AKAP13: variants seen among roughly 807,000 people sequenced by gnomAD.
AKAP13 encodes A-kinase anchoring protein 13, also known as A-kinase anchor protein 13.
In AKAP13, 80 loss-of-function variants were observed where a neutral mutation model predicts 264.5. The observed-to-expected ratio is 0.30, with a 90% CI of 0.25 to 0.36. The LOEUF (loss-of-function observed/expected upper bound fraction) is 0.36. Ranked by LOEUF, AKAP13 falls within the 10% of genes least tolerant of loss-of-function variation. The pLI is 1.00. For missense variants in AKAP13, 3,712 were observed against 3,435.2 expected, an observed-to-expected ratio of 1.08 and a Z score of -2.01; for synonymous variants, 1,380 against 1,250.2, an observed-to-expected ratio of 1.10 and a Z score of -2.19.
Position 85,579,439 on chromosome 15 carries a change from C to T in AKAP13, c.1371C>T (p.Ala457=). The part of the protein sequence containing the change: ...QRDLVMEPGT[A]QYSSGGELGG... The stretch of plus-strand genomic sequence containing the variant: ...ACTTGGTCATGGAGCCAGGCACAGC[C>T]CAGTATTCCTCTGGAGGTGAACTGG... Residue 457 remains alanine, a synonymous_variant, in exon 7 of 37, where the codon GCC becomes GCT. Coordinates refer to ENST00000394518, the MANE Select transcript of AKAP13 (RefSeq NM_007200.5). The T allele has an allele frequency of 6.2e-7, 1 of 1,614,158 alleles. No individual in the cohort carries two copies. The highest frequency in any genetic ancestry group is 8.5e-7 in the Non-Finnish European group (1 of 1,180,024).
intron 5 of AKAP13, among the ~76,000 whole-genome samples, chr15:85,562,518 T>G (rs1267711823): frequency 2.2e-5 from 3 of 138,046 alleles, no homozygotes; most frequent in African/African-American, 8.2e-5. Flanking sequence ...TGAGCTGAGA[T>G]CGTGCCACTG....
In AKAP13 at chr15:85,533,670, C is replaced by T; in HGVS notation, c.268C>T (p.His90Tyr). 2 of 1,614,188 alleles carry T rather than the reference C, an allele frequency of 1.2e-6. No individual in the cohort carries two copies. The highest frequency in any genetic ancestry group is 3.3e-5 in the Admixed American group (2 of 60,018). Residue 90 changes from histidine to tyrosine, a missense_variant, in exon 4 of 37, where the codon CAT (histidine) becomes TAT (tyrosine). His to Tyr is a moderately conservative substitution (Grantham distance 83). Around this residue, in one of 3 missense-constraint regions of AKAP13, gnomAD observed 2,759 missense variants for 2,411.7 expected, o/e 1.14. Transcript: ENST00000394518. ...PVFVVAEEDF[H>Y]FVQDEAYDAA... The stretch of plus-strand genomic sequence containing the variant: ...GTTTGTGGTGGCTGAAGAAGACTTT[C>T]ATTTCGTCCAGGATGAAGCGTATGA...
At chr15:85,442,520 T>A (rs1209728781) in intron 1 of AKAP13, among the ~76,000 whole-genome samples, 3 of 111,484 alleles carry the variant, frequency 2.7e-5, no homozygotes, top group Non-Finnish European at 5.6e-5. Flanking sequence ...TAATATATAT[T>A]ATATTATATA....
chr15:85,499,249 TG>T (rs2075977018), intron 2 of AKAP13, among the ~76,000 whole-genome samples: 1 of 152,226 alleles, frequency 6.6e-6, no homozygotes, highest in South Asian at 2.1e-4. Context: ...GAGATAGCAG[TG>T]ATTTTCAGTG....
At chr15:85,461,258 A>G (rs10775261) in intron 1 of AKAP13, among the ~76,000 whole-genome samples, 143,770 of 152,192 alleles carry the variant, frequency 0.94, 68,014 homozygotes, top group South Asian at 0.97. Context: ...TGGGATTACA[A>G]GTGCCTGCTA....
chr15:85,683,173 A>C (rs1228007399), intron 15 of AKAP13, among the ~76,000 whole-genome samples: 2 of 152,154 alleles, frequency 1.3e-5, no homozygotes, highest in East Asian at 3.8e-4. Flanking sequence ...CACTGCTTTT[A>C]TAGCTTATTC....
At chr15:85,661,747 A>C (rs1324409351) in intron 12 of AKAP13, among the ~76,000 whole-genome samples, 1 of 152,174 alleles carries the variant, frequency 6.6e-6, no homozygotes, top group Non-Finnish European at 1.5e-5. Flanking sequence ...TTATCATTAA[A>C]ACATAAGCAA....
intron 3 of AKAP13, among the ~76,000 whole-genome samples, chr15:85,531,026 C>G (rs2077225446): frequency 6.6e-6 from 1 of 152,148 alleles, no homozygotes; most frequent in Non-Finnish European, 1.5e-5. Context: ...AGATGCCCGG[C>G]TAATTTTTAT....
rs924422190 is a variant in AKAP13 at position 85,438,240 on chromosome 15, C to A, written c.-11-47470C>A. On this transcript the variant is annotated intron_variant, in intron 1 of 36. Coordinates refer to ENST00000394518, the MANE Select transcript of AKAP13 (RefSeq NM_007200.5). ...CAATTGCTTCAAAGAGAATAAAATA[C>A]CTAGGAATCCAACTTAAAAGGGATG... Among the ~76,000 whole-genome samples, 201 of 133,086 alleles carry A rather than the reference C, an allele frequency of 1.5e-3. 6 individuals are homozygous for A. Among genetic ancestry groups the A allele is most frequent in the Non-Finnish European group, 2.7e-3 (174 of 64,348 alleles). The allele number at this position is 133,086 out of a possible 152,430, so 87.3% of individuals were successfully genotyped here.
chr15:85,574,040 A>G (rs548123437), intron 5 of AKAP13, among the ~76,000 whole-genome samples: 2 of 152,228 alleles, frequency 1.3e-5, no homozygotes, highest in Non-Finnish European at 2.9e-5. Context: ...GTCTAGCATC[A>G]TATAGTTAGG....
intron 2 of AKAP13, among the ~76,000 whole-genome samples, chr15:85,492,800 G>A (rs2075767472): frequency 6.6e-6 from 1 of 152,068 alleles, no homozygotes; most frequent in Admixed American, 6.6e-5. Flanking sequence ...CATGATTTTG[G>A]CAATGGACTA....
intron 2 of AKAP13, among the ~76,000 whole-genome samples, chr15:85,509,720 A>G (rs1395977884): frequency 6.6e-6 from 1 of 152,216 alleles, no homozygotes; most frequent in Non-Finnish European, 1.5e-5. Context: ...AAGGAAGGCC[A>G]AGGGATAGCA....
intron 8 of AKAP13, among the ~76,000 whole-genome samples, chr15:85,628,857 TA>T (rs1195471428): frequency 6.6e-6 from 1 of 152,150 alleles, no homozygotes; most frequent in Admixed American, 6.5e-5. Context: ...AATTTAATAC[TA>T]AAAAATTGTA....
intron 8 of AKAP13, among the ~76,000 whole-genome samples, chr15:85,636,287 T>G (rs1340798169): frequency 6.6e-6 from 1 of 152,236 alleles, no homozygotes; most frequent in Non-Finnish European, 1.5e-5. Flanking sequence ...TATTCCAGTA[T>G]TTTTATAGAT....
chr15:85,634,920 A>G (rs540992225), intron 8 of AKAP13, among the ~76,000 whole-genome samples: 5 of 149,196 alleles, frequency 3.4e-5, no homozygotes, highest in African/African-American at 4.9e-5. Flanking sequence ...TCTTCTTTCT[A>G]TGAATCTATA....
Position 85,714,297 on chromosome 15 carries a change from A to G in AKAP13, c.5600-1491A>G, listed in dbSNP as rs1228057835. Reference sequence around the variant, plus strand: ...TGTCGTTTTCACATTGAGTAGACCAAGAAGGAAGAGGAAGAAAAGAAGGGT... The same window carrying G: ...TGTCGTTTTCACATTGAGTAGACCAGGAAGGAAGAGGAAGAAAAGAAGGGT... On this transcript the variant is annotated intron_variant, in intron 19 of 36. Transcript: ENST00000394518. Among the ~76,000 whole-genome samples the G allele has an allele frequency of 3.9e-5, 6 of 152,346 alleles. No homozygotes were observed. The East Asian group carries it at 1.2e-3, about 29-fold the overall frequency.
chr15:85,737,846 C>G (rs2088655908), intron 33 of AKAP13, among the ~76,000 whole-genome samples: 1 of 151,940 alleles, frequency 6.6e-6, no homozygotes, highest in Non-Finnish European at 1.5e-5. Flanking sequence ...ACCATGTTGC[C>G]CAGGCTGGTC....
chr15:85,623,200 G>A (rs1209049710), intron 8 of AKAP13, among the ~76,000 whole-genome samples: 2 of 152,096 alleles, frequency 1.3e-5, no homozygotes, highest in African/African-American at 4.8e-5. Context: ...TTGCTTTTTT[G>A]TACTAAGGAG....
intron 1 of AKAP13, among the ~76,000 whole-genome samples, chr15:85,483,904 G>A (rs2075437585): frequency 6.6e-6 from 1 of 152,054 alleles, no homozygotes; most frequent in East Asian, 1.9e-4. Context: ...TATTTTATGT[G>A]TGGCGCAACA....
Sources: gnomAD v4.1 joint callset for allele counts (sites outside exome capture counted in the v4.1 genomes callset) on GRCh38, gnomAD v4.1.1 for gene constraint, gnomAD v4.1.1 regional missense constraint, MANE v1.5 for transcripts, NCBI Gene and HGNC (gene_info 2026-07-23, HGNC 2026-07-21) for gene names.